Variants in GRID2 observed in about 807,000 individuals in gnomAD.
GRID2 encodes glutamate receptor ionotropic, delta-2.
A neutral mutation model predicts 114.8 loss-of-function variants in GRID2; 33 were observed. The observed-to-expected ratio is 0.29, with a 90% CI of 0.22 to 0.38. The LOEUF (loss-of-function observed/expected upper bound fraction) is 0.38. Ranked by LOEUF, GRID2 falls within the 10% of genes least tolerant of loss-of-function variation. GRID2 has a pLI of 1.00. For synonymous variants in GRID2, 505 were observed against 449.9 expected, an observed-to-expected ratio of 1.12 and a Z score of -1.55; for missense variants, 1,184 against 1,257.7, an observed-to-expected ratio of 0.94 and a Z score of 0.89.
chr4:92,310,605 TA>T (rs576040154), intron 1 of GRID2, among the ~76,000 whole-genome samples: 58 of 151,840 alleles, frequency 3.8e-4, no homozygotes, highest in East Asian at 7.7e-4. Context: ...TAAGGTATAA[TA>T]AAAAAAAGTA....
chr4:93,191,601 G>A (rs564866918), intron 4 of GRID2, among the ~76,000 whole-genome samples: 2 of 151,704 alleles, frequency 1.3e-5, no homozygotes, highest in South Asian at 4.2e-4. Context: ...TTATCACTAA[G>A]TGTTGTTTTA....
At chr4:93,440,736 T>A (rs558956457) in intron 10 of GRID2, among the ~76,000 whole-genome samples, 4 of 152,080 alleles carry the variant, frequency 2.6e-5, no homozygotes, top group Non-Finnish European at 5.9e-5. Context: ...AAATAAATTA[T>A]GTAGATGCAA....
intron 2 of GRID2, among the ~76,000 whole-genome samples, chr4:92,757,480 T>G (rs1053215829): frequency 3.3e-5 from 5 of 152,242 alleles, no homozygotes; most frequent in African/African-American, 1.2e-4. Flanking sequence ...GCTTTTCTCC[T>G]TGTCTTATCA....
At chr4:92,794,284 A>G (rs575486952) in intron 2 of GRID2, among the ~76,000 whole-genome samples, 2 of 151,932 alleles carry the variant, frequency 1.3e-5, no homozygotes, top group Admixed American at 1.3e-4. Context: ...AAAATGAAAC[A>G]TAGGCAACTC....
chr4:93,440,122 G>C (rs10010334), intron 10 of GRID2, among the ~76,000 whole-genome samples: 30,645 of 151,860 alleles, frequency 0.2, 5,621 homozygotes, highest in African/African-American at 0.49. Context: ...AATGAAGAAG[G>C]GTTCTCAGCT....
intron 14 of GRID2, among the ~76,000 whole-genome samples, chr4:93,768,360 C>CT (rs1733842977): frequency 6.6e-6 from 1 of 152,200 alleles, no homozygotes; most frequent in African/African-American, 2.4e-5. Flanking sequence ...CACATCTAGG[C>CT]TGGCCTCAGG....
At chr4:93,344,571 G>C (rs1760001810) in intron 8 of GRID2, among the ~76,000 whole-genome samples, 1 of 150,168 alleles carries the variant, frequency 6.7e-6, no homozygotes, top group Non-Finnish European at 1.5e-5. Flanking sequence ...TATTTTGTGA[G>C]AGCATTGGAG....
intron 2 of GRID2, among the ~76,000 whole-genome samples, chr4:93,043,025 G>T (rs1241397096): frequency 6.6e-6 from 1 of 152,018 alleles, no homozygotes; most frequent in Non-Finnish European, 1.5e-5. Flanking sequence ...TTGAGTGTCT[G>T]ATTATAGAAG....
chr4:93,625,808 G>C (rs1329160101), intron 13 of GRID2, among the ~76,000 whole-genome samples: 1 of 152,136 alleles, frequency 6.6e-6, no homozygotes, highest in African/African-American at 2.4e-5. Flanking sequence ...CCAGCTACTC[G>C]GGAGGTTGAG....
At chr4:93,614,348 A>T (rs928442089) in intron 13 of GRID2, among the ~76,000 whole-genome samples, 4 of 152,132 alleles carry the variant, frequency 2.6e-5, no homozygotes, top group Non-Finnish European at 5.9e-5. Flanking sequence ...CCTGAAAATT[A>T]TTATTTAGAG....
At chr4:93,577,255 A>G (rs1736511515) in intron 13 of GRID2, among the ~76,000 whole-genome samples, 1 of 152,188 alleles carries the variant, frequency 6.6e-6, no homozygotes, top group Non-Finnish European at 1.5e-5. Context: ...TTTCCTAATA[A>G]ATGTCTGTGC....
intron 1 of GRID2, among the ~76,000 whole-genome samples, chr4:92,329,900 A>G (rs191166001): frequency 6.6e-6 from 1 of 151,256 alleles, no homozygotes; most frequent in East Asian, 2.0e-4. Context: ...ATTATTCAGG[A>G]ATAGATTATT....
chr4:92,548,401 A>ATTTTGTTTTTTTTTTTTTTTTTTTTTTTT (rs1726385629), intron 1 of GRID2, among the ~76,000 whole-genome samples: 1 of 60,808 alleles, frequency 1.6e-5, no homozygotes, highest in African/African-American at 8.5e-5. Context: ...AGACTGTGTA[A>ATTTTGTTTTTTTTTTTTTTTTTTTTTTTT]TTTTTTTTTT....
Position 92,900,933 on chromosome 4 carries a change from C to CGTGTGTGTGT in GRID2, c.245-184060_245-184059insGTGTGTGTGT, listed in dbSNP as rs1383640338. ...TCATGTTTTATGACTGAGTAGTATT[C>CGTGTGTGTGT]GTCTGTGTGTGTGTGTATTTCCCAT... On this transcript the variant is annotated intron_variant, in intron 2 of 15. Coordinates refer to ENST00000282020, the MANE Select transcript of GRID2 (RefSeq NM_001510.4). 7.1e-3 allele frequency among the ~76,000 whole-genome samples: 413 copies of CGTGTGTGTGT among 58,542 alleles called. 3 individuals are homozygous for CGTGTGTGTGT. The highest frequency in any genetic ancestry group is 0.037 in the African/African-American group (399 of 10,792). 38.4% of individuals were successfully genotyped at this position (58,542 alleles called of 152,430 possible). A position where few individuals can be genotyped will look rare whatever the true frequency, so the allele number is the denominator to read the frequency against.
chr4:93,555,430 A>G (rs1176403690), intron 13 of GRID2, among the ~76,000 whole-genome samples: 2 of 151,824 alleles, frequency 1.3e-5, no homozygotes, highest in East Asian at 3.9e-4. Flanking sequence ...CGGGGAAGGG[A>G]GTCTGCCATT....
chr4:93,466,557 G>A (rs968439246), intron 11 of GRID2, among the ~76,000 whole-genome samples: 1 of 152,120 alleles, frequency 6.6e-6, no homozygotes, highest in African/African-American at 2.4e-5. Flanking sequence ...TCTAGGGAAG[G>A]GGTAGTAACT....
chr4:93,537,860 A>G (rs374043514), intron 13 of GRID2, among the ~76,000 whole-genome samples: 1 of 151,558 alleles, frequency 6.6e-6, no homozygotes, highest in Non-Finnish European at 1.5e-5. Context: ...GAATATGTTC[A>G]TTTTTTCCTT....
intron 2 of GRID2, among the ~76,000 whole-genome samples, chr4:92,663,496 A>G (rs1176814006): frequency 6.6e-6 from 1 of 151,224 alleles, no homozygotes; most frequent in Non-Finnish European, 1.5e-5. Context: ...AATTATCACA[A>G]TTACTAAAAT....
chr4:93,018,661 A>G (rs551238448), intron 2 of GRID2, among the ~76,000 whole-genome samples: 11 of 152,212 alleles, frequency 7.2e-5, no homozygotes, highest in African/African-American at 2.7e-4. Flanking sequence ...AAAATTGAGT[A>G]TATCAATAAT....
Sources: allele counts gnomAD v4.1 joint callset (sites outside exome capture counted in the v4.1 genomes callset), GRCh38; gene constraint gnomAD v4.1.1; transcripts MANE v1.5; gene names NCBI Gene and HGNC (gene_info 2026-07-23, HGNC 2026-07-21).